The following WDR19 variants were observed in gnomAD, a reference collection of about 807,000 sequenced individuals.
WDR19 encodes the protein WD repeat-containing protein 19.
Under a neutral mutation model 180.0 loss-of-function variants are expected in WDR19, and 121 were observed. The observed-to-expected ratio is 0.67, with a 90% CI of 0.58 to 0.78. The LOEUF (loss-of-function observed/expected upper bound fraction) is 0.78. Ranked by LOEUF, WDR19 falls within the 30% of genes least tolerant of loss-of-function variation. The probability of loss-of-function intolerance (pLI) is 0.00; values close to 1 mark genes in which losing one functional copy is unlikely to be tolerated. For synonymous variants in WDR19, 497 were observed against 540.7 expected (o/e 0.92, Z 1.12); for missense variants, 1,450 against 1,640.7 (o/e 0.88, Z 2.01).
chr4:39,189,626 A>C lies in WDR19; in HGVS notation c.165-30A>C, dbSNP rs751050812. 15 of 1,549,174 alleles carry C rather than the reference A, an allele frequency of 9.7e-6. No homozygotes were observed. The South Asian group carries it at 1.6e-4, about 17-fold the overall frequency. On this transcript the variant is annotated intron_variant, in intron 3 of 36. Transcript: ENST00000399820. ...TAGTAATTTTACTTTAAAAAACTGT[A>C]TAGTGGTATTTTGCTCTCTTTTTTA...
rs7696849 is a variant in WDR19, at chr4:39,253,749, T to A, written c.2877-157T>A. Among the ~76,000 whole-genome samples the A allele has an allele frequency of 0.98, 148,126 of 151,676 alleles. 72,426 individuals carry two copies. Among genetic ancestry groups the A allele is most frequent in the Middle Eastern group, 1 (294 of 294 alleles). On this transcript the variant is annotated intron_variant, in intron 25 of 36. Coordinates refer to ENST00000399820, the MANE Select transcript of WDR19 (RefSeq NM_025132.4). Reference sequence around the variant, plus strand: ...AGCTGAGATTGCACCACTGCACTCCTGCCTGGGTGACAGAGTGTGACTCCA... The same window carrying A: ...AGCTGAGATTGCACCACTGCACTCCAGCCTGGGTGACAGAGTGTGACTCCA...
At chr4:39,237,613 A>G (rs1731511052) in intron 20 of WDR19, 1 of 152,134 alleles carries the variant, frequency 6.6e-6, no homozygotes, top group Non-Finnish European at 1.5e-5. Context: ...CTTATTTCAA[A>G]TTTTCTATTC....
At chr4:39,185,027 A>T (rs35185201) in intron 1 of WDR19, among the ~76,000 whole-genome samples, 1 of 152,182 alleles carries the variant, frequency 6.6e-6, no homozygotes, top group Non-Finnish European at 1.5e-5. Context: ...TAACAACGAG[A>T]TAGTTTACAT....
At chr4:39,244,197 C>T in intron 21 of WDR19, 51 bp from the exon 22 acceptor site, 1 of 1,588,364 alleles carries the variant, frequency 6.3e-7, no homozygotes, top group Non-Finnish European at 8.6e-7. Flanking sequence ...GTCTTAAACA[C>T]ATCGTGTTAA....
At chr4:39,281,774 G>A (rs193112394) in intron 36 of WDR19, among the ~76,000 whole-genome samples, 186 of 152,212 alleles carry the variant, frequency 1.2e-3, no homozygotes, top group African/African-American at 4.3e-3. Flanking sequence ...TCTTCTCAGG[G>A]TCTCTCAAGG....
Position 39,201,317 on chromosome 4 carries a change from A to T in WDR19, c.522+1724A>T, listed in dbSNP as rs376431656. On this transcript the variant is annotated intron_variant, in intron 6 of 36. Transcript: ENST00000399820. ...GTGTAAGAAATTTGTAAAGGACTTG[A>T]TCTGCAAGATGCATTTATTATTTCC... is the stretch of plus-strand genomic sequence containing the variant. Among the ~76,000 whole-genome samples, 18 of 152,306 alleles carry T rather than the reference A, an allele frequency of 1.2e-4. No homozygotes were observed. The East Asian group carries it at 3.1e-3, about 26-fold the overall frequency.
rs2109483274 is a variant in WDR19, at chr4:39,266,095, T to C, written c.3216T>C (p.Asn1072=). Residue 1072 remains asparagine (N), a synonymous_variant, in exon 29 of 37, where the codon AAT becomes AAC. Transcript: ENST00000399820. ...VGQAKDELLT[N]QLIDHLLGEN... The stretch of plus-strand genomic sequence containing the variant: ...AGGCCAAAGATGAACTGCTGACCAA[T>C]CAGCTGATAGACCATCTCCTGGGGG... 1 of 1,560,554 alleles carries C rather than the reference T, an allele frequency of 6.4e-7. No individual in the cohort carries two copies.
At position 39,213,062 on chromosome 4, in the gene WDR19, A is replaced by G. The variant is rs181682854; in HGVS notation, c.891-1539A>G. Among the ~76,000 whole-genome samples the G allele has an allele frequency of 3.5e-3, 530 of 152,368 alleles. 5 individuals carry two copies. Among genetic ancestry groups the G allele is most frequent in the African/African-American group, 0.012 (503 of 41,584 alleles). On this transcript the variant is annotated intron_variant, in intron 9 of 36. Coordinates refer to ENST00000399820, the MANE Select transcript of WDR19 (RefSeq NM_025132.4). Reference sequence around the variant, plus strand: ...TTACTACCCATCTATTAGAATGACTAAAATGAAAAATAGTGATAACACCAA... The same window carrying G: ...TTACTACCCATCTATTAGAATGACTGAAATGAAAAATAGTGATAACACCAA...
chr4:39,209,026 A>G (rs1415527811), intron 9 of WDR19, among the ~76,000 whole-genome samples: 1 of 152,190 alleles, frequency 6.6e-6, no homozygotes, highest in African/African-American at 2.4e-5. Flanking sequence ...ACTAAACCTA[A>G]TAGAACACTG....
At chr4:39,256,619 G>A (rs1443182236) in intron 27 of WDR19, among the ~76,000 whole-genome samples, 1 of 152,180 alleles carries the variant, frequency 6.6e-6, no homozygotes, top group African/African-American at 2.4e-5. Flanking sequence ...ACATGTCTGT[G>A]TGTGAATTCA....
chr4:39,189,481 C>CA (rs552859530), intron 3 of WDR19, among the ~76,000 whole-genome samples, 175 bp from the exon 4 acceptor site: 2 of 152,120 alleles, frequency 1.3e-5, no homozygotes, highest in East Asian at 3.9e-4. Context: ...TCAACCACAG[C>CA]AAAAAAATTG....
chr4:39,270,197 T>C, intron 31 of WDR19, 97 bp downstream of exon 31: 1 of 1,473,628 alleles, frequency 6.8e-7, no homozygotes, highest in Non-Finnish European at 9.3e-7. Context: ...CGAGTGATTG[T>C]CTAGATGTCT....
intron 25 of WDR19, 146 bp downstream of exon 25, chr4:39,253,438 T>C (rs1733444881): frequency 1.1e-6 from 1 of 944,150 alleles, no homozygotes; most frequent in Non-Finnish European, 1.5e-6. Flanking sequence ...TCAAAGGCTG[T>C]CGTGGTCAGC....
intron 3 of WDR19, 47 bp downstream of exon 3, chr4:39,186,651 T>A: frequency 7.9e-7 from 1 of 1,273,838 alleles, no homozygotes; most frequent in Middle Eastern, 1.9e-4. Flanking sequence ...TTTTGTTGCC[T>A]AAAAGATTAA....
At position 39,244,514 on chromosome 4, in the gene WDR19, C is replaced by T. The variant is rs371645967; in HGVS notation, c.2607C>T (p.Tyr869=). 4.8e-5 allele frequency: 78 copies of T among 1,613,844 alleles called. 1 individual carries two copies. Among genetic ancestry groups the T allele is most frequent in the Admixed American group, 8.3e-5 (5 of 59,990 alleles). Reference sequence around the variant, plus strand: ...AACTGTATGAAAAAGGTCTCTACTACGATAAAGCAGCATCTGTTTACATCC... The same window carrying T: ...AACTGTATGAAAAAGGTCTCTACTATGATAAAGCAGCATCTGTTTACATCC... ...AAQLYEKGLY[Y]DKAASVYIRS... The change falls in exon 23 of 37, where the codon TAC becomes TAT. Residue 869 remains tyrosine, a synonymous_variant. Coordinates refer to ENST00000399820, the MANE Select transcript of WDR19 (RefSeq NM_025132.4).
At chr4:39,183,052 A>G (rs547486702) in intron 1 of WDR19, among the ~76,000 whole-genome samples, 5 of 152,018 alleles carry the variant, frequency 3.3e-5, no homozygotes, top group African/African-American at 9.7e-5. Flanking sequence ...TTCAAAATGT[A>G]TTACCTGTGA....
Position 39,234,853 on chromosome 4 carries a change from T to C in WDR19, c.2341T>C (p.Tyr781His), listed in dbSNP as rs752647027. The part of the protein sequence containing the change: ...PDQIPFISKE[Y>H]AIQLEFAGDY... ...CCAGATACCTTTTATATCAAAAGAA[T>C]ATGCTATTCAGCTTGAATTCGCGTA... is the stretch of plus-strand genomic sequence containing the variant. The change falls in exon 20 of 37, where the codon TAT becomes CAT. Residue 781 changes from tyrosine (Y) to histidine (H), a missense_variant. Tyr to His is a moderately conservative substitution (Grantham distance 83, BLOSUM62 2). Transcript: ENST00000399820. The C allele has an allele frequency of 5.1e-6, 8 of 1,567,340 alleles. No individual in the cohort carries two copies. Among genetic ancestry groups the C allele is most frequent in the Non-Finnish European group, 6.9e-6 (8 of 1,154,854 alleles).
chr4:39,188,631 AAAAAG>A (rs1193516144), intron 3 of WDR19, among the ~76,000 whole-genome samples: 7 of 151,760 alleles, frequency 4.6e-5, no homozygotes, highest in Admixed American at 2.6e-4. Flanking sequence ...AAAAAAAAAA[AAAAAG>A]AAAAGAAAGA....
chr4:39,281,560 T>TA (rs1578072094), intron 36 of WDR19, among the ~76,000 whole-genome samples: 1 of 152,326 alleles, frequency 6.6e-6, no homozygotes, highest in East Asian at 1.9e-4. Context: ...TTTTGGCTGT[T>TA]ATTCTTTTTA....
Sources: allele counts gnomAD v4.1 joint callset (sites outside exome capture counted in the v4.1 genomes callset), GRCh38; gene constraint gnomAD v4.1.1; transcripts MANE v1.5; gene names NCBI Gene and HGNC (gene_info 2026-07-23, HGNC 2026-07-21).